NGLY1: variants seen among roughly 807,000 people sequenced by gnomAD.
NGLY1 encodes the protein peptide-N(4)-(N-acetyl-beta-glucosaminyl)asparagine amidase.
A neutral mutation model predicts 84.6 loss-of-function variants in NGLY1; 68 were observed. The ratio of observed to expected loss-of-function variants is 0.80; its 90% CI spans 0.66 to 0.98. The LOEUF is 0.98. Among genes scored for constraint, NGLY1 ranks in the 50% least tolerant of loss-of-function variants. The pLI, the probability that NGLY1 is intolerant of heterozygous loss-of-function variation, is 0.00. For missense variants in NGLY1, 779 were observed against 770.2 expected, an observed-to-expected ratio of 1.01 and a Z score of -0.14; for synonymous variants, 280 against 275.2, an observed-to-expected ratio of 1.02 and a Z score of -0.17.
intron 2 of NGLY1, among the ~76,000 whole-genome samples, chr3:25,767,436 TA>T (rs1707641981): frequency 6.6e-6 from 1 of 152,036 alleles, no homozygotes; most frequent in African/African-American, 2.4e-5. Context: ...GTCCAGTCAA[TA>T]AAACAACCAA....
At chr3:25,733,744 A>G (rs189631998) in intron 8 of NGLY1, 128 bp downstream of exon 8, 35 of 469,028 alleles carry the variant, frequency 7.5e-5, no homozygotes, top group Middle Eastern at 1.0e-3. Flanking sequence ...ATTCAAAAAG[A>G]ATATTAAAAT....
Position 25,749,651 on chromosome 3 carries a change from A to T in NGLY1, c.658+1447T>A, listed in dbSNP as rs1021237726. On this transcript the variant is annotated intron_variant, in intron 4 of 11. Coordinates refer to ENST00000280700, the MANE Select transcript of NGLY1 (RefSeq NM_018297.4). ...TAGAAGGTTCAAGAGCCAGATCTTG[A>T]TGCCCAACATTAGTTATGGGAGCAA... 11 of 1,482,566 alleles carry T rather than the reference A, an allele frequency of 7.4e-6. No individual in the cohort carries two copies. The African/African-American group carries it at 1.4e-4, about 19-fold the overall frequency. 91.8% of individuals were successfully genotyped at this position (1,482,566 alleles called of 1,614,324 possible).
chr3:25,723,310 AAGAT>A (rs1482912682), intron 10 of NGLY1, among the ~76,000 whole-genome samples: 1 of 152,228 alleles, frequency 6.6e-6, no homozygotes, highest in Non-Finnish European at 1.5e-5. Flanking sequence ...GTTAAAGAAT[AAGAT>A]AGAGTTCATG....
chr3:25,760,590 G>C (rs1707261924), intron 3 of NGLY1, among the ~76,000 whole-genome samples: 1 of 152,084 alleles, frequency 6.6e-6, no homozygotes, highest in Non-Finnish European at 1.5e-5. Flanking sequence ...GCCGGGCACG[G>C]TGGCTCACGC....
chr3:25,720,215 A>T, intron 10 of NGLY1, 24 bp from the exon 11 acceptor site: 1 of 1,576,788 alleles, frequency 6.3e-7, no homozygotes, highest in Non-Finnish European at 8.7e-7. Flanking sequence ...GGATGGGGAG[A>T]AAGGAACTGT....
upstream of NGLY1, among the ~76,000 whole-genome samples, chr3:25,785,188 C>T (rs1575673239): frequency 6.8e-6 from 1 of 146,242 alleles, no homozygotes; most frequent in Non-Finnish European, 1.5e-5. Context: ...CACATGAGCC[C>T]AGAAATGACA....
intron 2 of NGLY1, among the ~76,000 whole-genome samples, chr3:25,765,633 C>T (rs1001549573): frequency 6.6e-6 from 1 of 152,036 alleles, no homozygotes; most frequent in African/African-American, 2.4e-5. Flanking sequence ...CATCTGAATC[C>T]TTTTTAAAAA....
intron 2 of NGLY1, among the ~76,000 whole-genome samples, chr3:25,775,769 C>T (rs866649924): frequency 2.6e-5 from 4 of 152,154 alleles, no homozygotes; most frequent in Non-Finnish European, 2.9e-5. Context: ...GGAATAATTT[C>T]TCATGTTCTA....
intron 2 of NGLY1, among the ~76,000 whole-genome samples, chr3:25,773,255 G>C (rs1306945935): frequency 2.0e-5 from 3 of 151,946 alleles, no homozygotes; most frequent in African/African-American, 7.3e-5. Context: ...TTCTTCCTCT[G>C]GAACACTAAT....
chr3:25,723,114 C>T (rs184173245), intron 10 of NGLY1, among the ~76,000 whole-genome samples: 25 of 152,194 alleles, frequency 1.6e-4, no homozygotes, highest in African/African-American at 4.8e-4. Context: ...GCTGAAATTA[C>T]GTTAACTTCA....
chr3:25,761,884 CA>C (rs1707337824), intron 3 of NGLY1, among the ~76,000 whole-genome samples: 1 of 151,994 alleles, frequency 6.6e-6, no homozygotes, highest in African/African-American at 2.4e-5. Context: ...TAAAAAGGAA[CA>C]AAATACTGAT....
intron 6 of NGLY1, chr3:25,736,839 A>G (rs1705849486): frequency 6.2e-6 from 1 of 160,810 alleles, no homozygotes; most frequent in Non-Finnish European, 1.4e-5. Flanking sequence ...ATCACTATAA[A>G]TGCCACGGTA....
intron 10 of NGLY1, among the ~76,000 whole-genome samples, chr3:25,721,039 A>T (rs1354342050): frequency 6.6e-6 from 1 of 152,162 alleles, no homozygotes. Context: ...ACTTATCTTA[A>T]TGCAATTGAC....
chr3:25,720,179 G>C lies in NGLY1; in HGVS notation c.1624C>G (p.Arg542Gly). ...ETDWHMVYLA[R>G]KEGSSFAYIS... ...TAAGCAAAAGATGATCCTTCCTTTC[G>C]GGCCAAATATACCTATAAGGAGTAG... The change falls in exon 11 of 12, where the codon CGA becomes GGA. Residue 542 changes from arginine to glycine, a missense_variant. Coordinates refer to ENST00000280700, the MANE Select transcript of NGLY1 (RefSeq NM_018297.4). 2 of 1,612,928 alleles carry C rather than the reference G, an allele frequency of 1.2e-6. No individual in the cohort carries two copies. The highest frequency in any genetic ancestry group is 2.2e-5 in the South Asian group (2 of 90,972).
chr3:25,735,730 GCCTGAGTGTTC>G, intron 7 of NGLY1: 1 of 268,894 alleles, frequency 3.7e-6, no homozygotes, highest in Admixed American at 4.7e-5. Context: ...AGACTTGTGT[GCCTGAGTGTTC>G]ATGGCAGCTT....
At chr3:25,775,547 CAAAT>C (rs1375279299) in intron 2 of NGLY1, among the ~76,000 whole-genome samples, 3 of 152,030 alleles carry the variant, frequency 2.0e-5, no homozygotes, top group Non-Finnish European at 4.4e-5. Context: ...TTCAGAAAGA[CAAAT>C]AACACATGTT....
chr3:25,775,440 G>A (rs376509170), intron 2 of NGLY1, among the ~76,000 whole-genome samples: 27 of 152,188 alleles, frequency 1.8e-4, no homozygotes, highest in African/African-American at 3.6e-4. Flanking sequence ...TATACACAAC[G>A]GAATATTATT....
intron 3 of NGLY1, among the ~76,000 whole-genome samples, chr3:25,757,040 T>C (rs1250789385): frequency 6.6e-6 from 1 of 152,208 alleles, no homozygotes; most frequent in South Asian, 2.1e-4. Flanking sequence ...GTTCATATCA[T>C]AATTTAGAAT....
intron 1 of NGLY1, among the ~76,000 whole-genome samples, chr3:25,781,602 T>C (rs1271566466): frequency 6.6e-6 from 1 of 152,188 alleles, no homozygotes; most frequent in Non-Finnish European, 1.5e-5. Context: ...ACACCCCTCA[T>C]CTTTCAGAAT....
Sources: allele counts gnomAD v4.1 joint callset (sites outside exome capture counted in the v4.1 genomes callset), GRCh38; gene constraint gnomAD v4.1.1; transcripts MANE v1.5; gene names NCBI Gene and HGNC (gene_info 2026-07-23, HGNC 2026-07-21).